The following DRC4 variants were observed in gnomAD, a reference collection of about 807,000 sequenced individuals.
DRC4 encodes dynein regulatory complex subunit 4.
the DRC4 span, among the ~76,000 whole-genome samples, chr16:90,034,516 G>A: frequency 1.3e-5 from 2 of 152,086 alleles, no homozygotes; most frequent in Admixed American, 6.5e-5. Context: ...CAGCTACTCG[G>A]GACGCTGAGG....
chr16:90,042,851 G>T, the DRC4 span: 2 of 505,232 alleles, frequency 4.0e-6, no homozygotes, highest in Non-Finnish European at 7.2e-6. Context: ...GGAAACAGAC[G>T]TCATTCAACA....
the DRC4 span, chr16:90,035,947 G>A: frequency 7.1e-7 from 1 of 1,400,462 alleles, no homozygotes; most frequent in Non-Finnish European, 9.3e-7. Flanking sequence ...GTTATCAGCA[G>A]GTGGTAGCTA....
At chr16:90,042,648 A>G in the DRC4 span, 1 of 842,648 alleles carries the variant, frequency 1.2e-6, no homozygotes, top group South Asian at 1.4e-5. Context: ...TCGTTTGACA[A>G]GGCAGCTGTC....
At chr16:90,040,484 T>C in the DRC4 span, 2 of 1,605,266 alleles carry the variant, frequency 1.2e-6, no homozygotes, top group Non-Finnish European at 1.7e-6. Flanking sequence ...CCTGCAGCCC[T>C]GACGCTGGTG....
the DRC4 span, among the ~76,000 whole-genome samples, chr16:90,041,670 G>A: frequency 6.6e-6 from 1 of 152,132 alleles, no homozygotes; most frequent in Non-Finnish European, 1.5e-5. Flanking sequence ...TGGGCTTGGT[G>A]GCGGGTGTAA....
chr16:90,042,222 G>A, the DRC4 span: 37 of 553,640 alleles, frequency 6.7e-5, no homozygotes, highest in African/African-American at 1.3e-4. Context: ...AGGTGTGAGC[G>A]GCAGTGCCTG....
the DRC4 span, chr16:90,043,830 C>G: frequency 2.1e-6 from 1 of 467,558 alleles, no homozygotes; most frequent in African/African-American, 2.0e-5. Flanking sequence ...CCCTGATGAG[C>G]ACAAAGCCCG....
At chr16:90,039,798 G>A in the DRC4 span, 1 of 179,574 alleles carries the variant, frequency 5.6e-6, no homozygotes, top group African/African-American at 2.3e-5. Context: ...TGGCTGGCAG[G>A]TAGCTGGCTC....
At chr16:90,037,831 G>A in the DRC4 span, 1 of 1,614,092 alleles carries the variant, frequency 6.2e-7, no homozygotes, top group Non-Finnish European at 8.5e-7. Context: ...TGAAGTGTTA[G>A]AGCAGCGATT....
At chr16:90,044,379 C>G in the DRC4 span, 1 of 416,594 alleles carries the variant, frequency 2.4e-6, no homozygotes, top group Non-Finnish European at 4.9e-6. Flanking sequence ...GTGAGCTCAC[C>G]TACCTGCCAC....
chr16:90,044,012 G>C, the DRC4 span: 5 of 426,478 alleles, frequency 1.2e-5, no homozygotes, highest in African/African-American at 2.1e-5. Context: ...GGCCAGGAGA[G>C]AGTATAAGGG....
the DRC4 span, among the ~76,000 whole-genome samples, chr16:90,022,429 G>A: frequency 6.6e-6 from 1 of 152,222 alleles, no homozygotes; most frequent in Admixed American, 6.5e-5. Context: ...AAGGATAGAA[G>A]TGAAGGGTTC....
chr16:90,032,546 C>T, the DRC4 span, among the ~76,000 whole-genome samples: 1 of 128,494 alleles, frequency 7.8e-6, no homozygotes, highest in East Asian at 2.4e-4. Context: ...CAGGTGTGTA[C>T]AGGTATGGAT....
chr16:90,022,658 G>A, the DRC4 span: 10 of 1,414,320 alleles, frequency 7.1e-6, no homozygotes, highest in Non-Finnish European at 8.4e-6. Flanking sequence ...GCCGGGAAAC[G>A]GCGTGGCTTC....
At chr16:90,036,467 G>T in the DRC4 span, 2 of 1,614,232 alleles carry the variant, frequency 1.2e-6, no homozygotes, top group Non-Finnish European at 1.7e-6. Context: ...CGAAGTGGAG[G>T]AGAGGAAGAA....
chr16:90,031,472 G>T, the DRC4 span: 2 of 1,576,706 alleles, frequency 1.3e-6, no homozygotes, highest in African/African-American at 2.7e-5. Flanking sequence ...AAGAAGCCGA[G>T]GAGAGGCACC....
chr16:90,030,945 T>G, the DRC4 span, among the ~76,000 whole-genome samples: 1 of 152,178 alleles, frequency 6.6e-6, no homozygotes, highest in Non-Finnish European at 1.5e-5. Flanking sequence ...TGGTCTTAGG[T>G]TATTTCCTTT....
chr16:90,037,613 C>A, the DRC4 span: 1 of 958,436 alleles, frequency 1.0e-6, no homozygotes, highest in Non-Finnish European at 1.6e-6. Flanking sequence ...TGCTACCGGC[C>A]GGCCTTGGTG....
At chr16:90,022,895 C>T in the DRC4 span, among the ~76,000 whole-genome samples, 3 of 152,270 alleles carry the variant, frequency 2.0e-5, no homozygotes, top group Admixed American at 6.5e-5. Flanking sequence ...ACTCAGGATG[C>T]TCCCGGCCCC....
Sources: allele counts gnomAD v4.1 joint callset (sites outside exome capture counted in the v4.1 genomes callset), GRCh38; gene constraint gnomAD v4.1.1; transcripts MANE v1.5; gene names NCBI Gene and HGNC (gene_info 2026-07-23, HGNC 2026-07-21).